ZFR2: variants seen among roughly 807,000 people sequenced by gnomAD.
The protein encoded by ZFR2 is zinc finger RNA binding protein 2.
A neutral mutation model predicts 105.7 loss-of-function variants in ZFR2; 104 were observed. That is an observed-to-expected ratio of 0.98 (90% CI 0.84 to 1.16). The LOEUF is 1.16. ZFR2 is among the 50% of genes most tolerant of loss of function. ZFR2 has a pLI of 0.00. For synonymous variants in ZFR2, 634 were observed against 597.7 expected (o/e 1.06, Z -0.89); for missense variants, 1,425 against 1,355.5 (o/e 1.05, Z -0.80).
chr19:3,836,060 T>C (rs749016309), intron 1 of ZFR2, among the ~76,000 whole-genome samples: 26 of 152,152 alleles, frequency 1.7e-4, no homozygotes, highest in Non-Finnish European at 3.5e-4. Context: ...GTCCCTGACA[T>C]AGAACGATAT....
At chr19:3,848,280 C>T (rs8104832) in intron 1 of ZFR2, among the ~76,000 whole-genome samples, 24,913 of 151,442 alleles carry the variant, frequency 0.16, 2,903 homozygotes, top group African/African-American at 0.34. Flanking sequence ...GGCATGGTGG[C>T]GGGCGCCCGT....
intron 14 of ZFR2, among the ~76,000 whole-genome samples, chr19:3,811,662 C>T (rs1156857294): frequency 3.9e-5 from 6 of 152,052 alleles, no homozygotes; most frequent in Non-Finnish European, 8.8e-5. Flanking sequence ...CCCATGTTGG[C>T]CAGGCTGGTC....
chr19:3,805,710 T>A lies in ZFR2; in HGVS notation c.*239A>T. 6.6e-6 allele frequency: 3 copies of A among 453,246 alleles called. No individual in the cohort carries two copies. Among genetic ancestry groups the A allele is most frequent in the Non-Finnish European group, 1.2e-5 (3 of 260,814 alleles). 28.1% of individuals were successfully genotyped at this position (453,246 alleles called of 1,614,324 possible). A position where few individuals can be genotyped will look rare whatever the true frequency, so the allele number is the denominator to read the frequency against. Reference sequence around the variant, plus strand: ...TGGAGAGATGGGGGTCTCACTCTGTTGTCTGGGCTGGCCTTGAACTCTCAG... The same window carrying A: ...TGGAGAGATGGGGGTCTCACTCTGTAGTCTGGGCTGGCCTTGAACTCTCAG... On this transcript the variant is annotated 3_prime_UTR_variant, in exon 19 of 19. Transcript: ENST00000262961.
At position 3,810,840 on chromosome 19, in the gene ZFR2, T is replaced by C. The variant is rs895529745; in HGVS notation, c.2343A>G (p.Arg781=). Reference sequence around the variant, plus strand: ...TCACGCATGGCTGCAGGCCGCTGGCTCGAGCCTTCGGGGGAGAAGCACACG... The same window carrying C: ...TCACGCATGGCTGCAGGCCGCTGGCCCGAGCCTTCGGGGGAGAAGCACACG... The part of the protein sequence containing the change: ...ALRHARWFQA[R]ASGLQPCVIV... The change falls in exon 16 of 19, where the codon CGA becomes CGG. Residue 781 remains arginine, a synonymous_variant. Transcript: ENST00000262961. 5 of 1,550,210 alleles carry C rather than the reference T, an allele frequency of 3.2e-6. No homozygotes were observed. Among genetic ancestry groups the C allele is most frequent in the Non-Finnish European group, 3.5e-6 (4 of 1,146,736 alleles).
intron 1 of ZFR2, among the ~76,000 whole-genome samples, chr19:3,846,190 T>G (rs1250008528): frequency 6.6e-6 from 1 of 152,230 alleles, no homozygotes; most frequent in African/African-American, 2.4e-5. Flanking sequence ...TTGGCCAGGC[T>G]GTTCTTGAAC....
At chr19:3,852,356 G>C (rs1185059616) in intron 1 of ZFR2, 1 of 649,666 alleles carries the variant, frequency 1.5e-6, no homozygotes, top group Non-Finnish European at 2.8e-6. Context: ...CCTGACCATG[G>C]CTGGGCTTCT....
intron 1 of ZFR2, among the ~76,000 whole-genome samples, chr19:3,848,451 C>T (rs889357881): frequency 2.0e-5 from 3 of 152,138 alleles, no homozygotes; most frequent in East Asian, 1.9e-4. Context: ...TGTCTCACAC[C>T]TGTAATCCCA....
At chr19:3,832,177 A>G (rs781328193) in intron 3 of ZFR2, among the ~76,000 whole-genome samples, 10 of 152,080 alleles carry the variant, frequency 6.6e-5, no homozygotes, top group Non-Finnish European at 1.5e-4. Flanking sequence ...ACCCCGGGAA[A>G]GCTTCCTTGG....
At chr19:3,868,272 ATC>A (rs912392447) in intron 1 of ZFR2, among the ~76,000 whole-genome samples, 3 of 141,998 alleles carry the variant, frequency 2.1e-5, no homozygotes, top group East Asian at 2.1e-4. Flanking sequence ...ACCCTCGCTG[ATC>A]TCTGTTTTCT....
chr19:3,832,236 C>A (rs992396562), intron 3 of ZFR2, among the ~76,000 whole-genome samples: 1 of 152,106 alleles, frequency 6.6e-6, no homozygotes, highest in Non-Finnish European at 1.5e-5. Flanking sequence ...CATTCATAGG[C>A]CCACACCTGG....
chr19:3,836,924 T>C (rs2038080553), intron 1 of ZFR2, among the ~76,000 whole-genome samples: 1 of 152,136 alleles, frequency 6.6e-6, no homozygotes, highest in Non-Finnish European at 1.5e-5. Context: ...TATGGATATA[T>C]ATTAAAAAGT....
At position 3,823,501 on chromosome 19, in the gene ZFR2, G is replaced by T; in HGVS notation, c.1214-98C>A. On this transcript the variant is annotated intron_variant, in intron 7 of 18. Transcript: ENST00000262961. This position sits in a 1 kb window ranked among gnomAD's most constrained non-coding sequence, Gnocchi z 5.4. ...CATGGGGTGGAGAGCCACCCAGACTGCAGGCTGTGCCATCCCCCTCCCTCC... is the reference window on the plus strand; with the variant it reads ...CATGGGGTGGAGAGCCACCCAGACTTCAGGCTGTGCCATCCCCCTCCCTCC... The T allele has an allele frequency of 1.6e-6, 2 of 1,249,198 alleles. No homozygotes were observed. Among genetic ancestry groups the T allele is most frequent in the Non-Finnish European group, 2.2e-6 (2 of 914,846 alleles). The allele number at this position is 1,249,198 out of a possible 1,614,324, so 77.4% of individuals were successfully genotyped here.
In ZFR2 at chr19:3,820,579, TG is replaced by T. The variant is rs571406382; in HGVS notation, c.1632-290del. ...CTTCCCAATGCAGACCTGCTGCTGC[TG>T]GACACACCAGAGTCAGATGTTACAT... is the stretch of plus-strand genomic sequence containing the variant. On this transcript the variant is annotated intron_variant, in intron 10 of 18. Coordinates refer to ENST00000262961, the MANE Select transcript of ZFR2 (RefSeq NM_015174.2). Among the ~76,000 whole-genome samples the T allele has an allele frequency of 7.8e-4, 118 of 152,214 alleles. 2 individuals are homozygous for T. Among genetic ancestry groups the T allele is most frequent in the South Asian group, 4.3e-3 (21 of 4,828 alleles).
Position 3,823,684 on chromosome 19 carries a change from A to G in ZFR2, c.1214-281T>C, listed in dbSNP as rs1026196845. 6.6e-6 allele frequency among the ~76,000 whole-genome samples: 1 copy of G among 152,178 alleles called. No homozygotes were observed. Among genetic ancestry groups the G allele is most frequent in the East Asian group, 1.9e-4 (1 of 5,194 alleles). On this transcript the variant is annotated intron_variant, in intron 7 of 18. Coordinates refer to ENST00000262961, the MANE Select transcript of ZFR2 (RefSeq NM_015174.2). This position sits in a 1 kb window ranked among gnomAD's most constrained non-coding sequence, Gnocchi z 5.4. ...GGAACCCACCGACAGCACAAAATCC[A>G]CAGTTAATAGACCATGAAGTATCAG...
chr19:3,830,097 C>T lies in ZFR2; in HGVS notation c.852+1206G>A, dbSNP rs184190994. On this transcript the variant is annotated intron_variant, in intron 5 of 18. Transcript: ENST00000262961. ...GAAGAATTCCTTGAGCTTAGGAGTT[C>T]GAGACCAGCCTGGGCAACATAGTGA... Among the ~76,000 whole-genome samples the T allele has an allele frequency of 3.1e-3, 474 of 150,698 alleles. 2 individuals carry two copies. The highest frequency in any genetic ancestry group is 5.0e-3 in the Non-Finnish European group (340 of 67,854).
At chr19:3,835,099 G>C (rs965840673) in intron 1 of ZFR2, 116 bp from the exon 2 acceptor site, 5 of 1,223,850 alleles carry the variant, frequency 4.1e-6, no homozygotes, top group Non-Finnish European at 3.5e-6. Context: ...GCTTGGTGGA[G>C]ACCCTCCTAG....
intron 1 of ZFR2, chr19:3,855,555 G>A (rs1026509174): frequency 1.8e-5 from 15 of 824,334 alleles, no homozygotes; most frequent in Middle Eastern, 4.1e-4. Context: ...TCCTCCAGGA[G>A]GGTGCTGCGC....
rs1256522359 is a variant in ZFR2, at chr19:3,855,411, A to G, written c.53+13554T>C. 7 of 1,231,604 alleles carry G rather than the reference A, an allele frequency of 5.7e-6. No individual in the cohort carries two copies. In the African/African-American group the frequency reaches 1.1e-4, roughly 19 times the overall value. 76.3% of individuals were successfully genotyped at this position (1,231,604 alleles called of 1,614,324 possible). A position where few individuals can be genotyped will look rare whatever the true frequency, so the allele number is the denominator to read the frequency against. On this transcript the variant is annotated intron_variant, in intron 1 of 18. Coordinates refer to ENST00000262961, the MANE Select transcript of ZFR2 (RefSeq NM_015174.2). ...TGTGTGTACAAAATACCTGACAGAA[A>G]GTGAAAGCAGTCCCGGGCGATCCGG...
intron 1 of ZFR2, among the ~76,000 whole-genome samples, chr19:3,863,460 C>T (rs759769538): frequency 6.6e-6 from 1 of 152,132 alleles, no homozygotes; most frequent in Non-Finnish European, 1.5e-5. Context: ...CAGGGTCTCT[C>T]GCTGTCGCCC....
Sources: allele counts gnomAD v4.1 joint callset (sites outside exome capture counted in the v4.1 genomes callset), GRCh38; gene constraint gnomAD v4.1.1; non-coding constraint Gnocchi (gnomAD v3.1); transcripts MANE v1.5; gene names NCBI Gene and HGNC (gene_info 2026-07-23, HGNC 2026-07-21).